The following TUSC3 variants were observed in gnomAD, a reference collection of about 807,000 sequenced individuals.
TUSC3 encodes the protein tumor suppressor candidate 3.
Under a neutral mutation model 44.8 loss-of-function variants are expected in TUSC3, and 45 were observed. That is an observed-to-expected ratio of 1.00 (90% confidence interval 0.79 to 1.29). The LOEUF is 1.29. TUSC3 is among the 50% of genes most tolerant of loss of function. The pLI, the probability that TUSC3 is intolerant of heterozygous loss-of-function variation, is 0.00. For synonymous variants in TUSC3, 212 were observed against 152.9 expected (o/e 1.39, Z -2.85); for missense variants, 519 against 437.9 (o/e 1.19, Z -1.65).
chr8:15,572,104 A>G (rs1802900673), intron 1 of TUSC3, among the ~76,000 whole-genome samples: 1 of 152,126 alleles, frequency 6.6e-6, no homozygotes, highest in Non-Finnish European at 1.5e-5. Context: ...TGTCCTTTCA[A>G]ACCAGGCATC....
At chr8:15,514,550 T>A (rs777874892) in intron 2 of TUSC3, among the ~76,000 whole-genome samples, 4 of 152,224 alleles carry the variant, frequency 2.6e-5, no homozygotes, top group Non-Finnish European at 5.9e-5. Flanking sequence ...GAACTCCGCT[T>A]CTTCACAGCC....
chr8:15,515,411 T>A (rs1445884426), intron 2 of TUSC3, among the ~76,000 whole-genome samples: 2 of 152,146 alleles, frequency 1.3e-5, no homozygotes, highest in Non-Finnish European at 2.9e-5. Flanking sequence ...TCCCTGATAA[T>A]CTAGCTGTGC....
chr8:15,512,545 G>C (rs952809084), intron 2 of TUSC3, among the ~76,000 whole-genome samples: 8 of 152,076 alleles, frequency 5.3e-5, no homozygotes, highest in African/African-American at 1.7e-4. Flanking sequence ...AGCTGAGGTG[G>C]GCAGATCACT....
intron 2 of TUSC3, among the ~76,000 whole-genome samples, chr8:15,497,793 G>A (rs1045311338): frequency 3.3e-5 from 5 of 150,968 alleles, no homozygotes; most frequent in Non-Finnish European, 7.4e-5. Context: ...CTCCCAGGCT[G>A]GAGTGCAATG....
At chr8:15,637,953 C>T (rs751660062) in intron 2 of TUSC3, among the ~76,000 whole-genome samples, 1 of 152,146 alleles carries the variant, frequency 6.6e-6, no homozygotes, top group Admixed American at 6.5e-5. Context: ...TATCACCAAC[C>T]CACTAATGCA....
chr8:15,676,216 T>A (rs1808183507), intron 6 of TUSC3, among the ~76,000 whole-genome samples: 1 of 152,178 alleles, frequency 6.6e-6, no homozygotes. Flanking sequence ...TTATTAGAAA[T>A]TAAATGTATG....
At chr8:15,796,247 C>CA in the TUSC3 span, among the ~76,000 whole-genome samples, 16 of 152,320 alleles carry the variant, frequency 1.1e-4, no homozygotes, top group East Asian at 2.9e-3. Flanking sequence ...TGCTTACTTC[C>CA]AGCTGGTCTT....
intron 2 of TUSC3, among the ~76,000 whole-genome samples, chr8:15,530,226 C>A (rs562199277): frequency 5.3e-5 from 8 of 152,138 alleles, no homozygotes; most frequent in African/African-American, 1.9e-4. Context: ...CACTGATCTG[C>A]TTGCTTCTCT....
At chr8:15,569,393 C>T (rs1025163660) in intron 1 of TUSC3, among the ~76,000 whole-genome samples, 11 of 152,046 alleles carry the variant, frequency 7.2e-5, no homozygotes, top group South Asian at 2.1e-4. Flanking sequence ...AGAGTTTCCT[C>T]GTGAATTTGA....
chr8:15,617,920 C>G (rs1805065128), intron 1 of TUSC3, among the ~76,000 whole-genome samples: 1 of 152,132 alleles, frequency 6.6e-6, no homozygotes, highest in African/African-American at 2.4e-5. Flanking sequence ...CTACTACACA[C>G]CCAGGCTGTG....
intron 1 of TUSC3, among the ~76,000 whole-genome samples, chr8:15,425,613 C>T (rs186474505): frequency 1.7e-4 from 26 of 152,246 alleles, no homozygotes; most frequent in Non-Finnish European, 3.8e-4. Context: ...AAAGTGTGGC[C>T]GAGTCTGAGC....
At chr8:15,509,009 A>G (rs1298164641) in intron 2 of TUSC3, among the ~76,000 whole-genome samples, 2 of 152,192 alleles carry the variant, frequency 1.3e-5, no homozygotes, top group Non-Finnish European at 2.9e-5. Flanking sequence ...AATTCAAGAT[A>G]AGATCTTCAG....
the TUSC3 span, among the ~76,000 whole-genome samples, chr8:15,846,785 G>A: frequency 1.3e-5 from 2 of 151,574 alleles, no homozygotes; most frequent in African/African-American, 4.9e-5. Flanking sequence ...GGGTTGATGG[G>A]TGCAGCAAAC....
chr8:15,434,921 A>G (rs900139665), intron 1 of TUSC3, among the ~76,000 whole-genome samples: 11 of 151,288 alleles, frequency 7.3e-5, no homozygotes, highest in Non-Finnish European at 1.0e-4. Flanking sequence ...ACATTTTCTT[A>G]ATCCAGTCTA....
chr8:15,470,837 G>T (rs1055980350), intron 1 of TUSC3, among the ~76,000 whole-genome samples: 1 of 152,142 alleles, frequency 6.6e-6, no homozygotes, highest in African/African-American at 2.4e-5. Flanking sequence ...CCCAGTGAGT[G>T]TGGGTGTGAG....
chr8:15,688,263 C>T (rs1226101706), intron 6 of TUSC3, among the ~76,000 whole-genome samples: 1 of 152,082 alleles, frequency 6.6e-6, no homozygotes, highest in Non-Finnish European at 1.5e-5. Context: ...TATAACTCTA[C>T]AATTTCAGAA....
At chr8:15,466,638 G>T (rs868078568) in intron 1 of TUSC3, among the ~76,000 whole-genome samples, 1 of 152,154 alleles carries the variant, frequency 6.6e-6, no homozygotes. Flanking sequence ...CCAACTTAGA[G>T]AATGTCTCAA....
In TUSC3 at chr8:15,549,419, G is replaced by A. The variant is rs554511156; in HGVS notation, c.138+8851G>A. Among the ~76,000 whole-genome samples, 8 of 151,662 alleles carry A rather than the reference G, an allele frequency of 5.3e-5. No homozygotes were observed. In the South Asian group the frequency reaches 1.0e-3, roughly 20 times the overall value. On this transcript the variant is annotated intron_variant, in intron 1 of 10. Coordinates refer to ENST00000503731, the MANE Select transcript of TUSC3 (RefSeq NM_006765.4). ...AAACTCCTGACCTCGTGATCTGCCC[G>A]CCTCGGCCTCCCAAAGTGCTGGGAT...
In TUSC3 at chr8:15,601,145, C is replaced by T. The variant is rs559478052; in HGVS notation, c.139-21935C>T. Among the ~76,000 whole-genome samples, 27 of 151,708 alleles carry T rather than the reference C, an allele frequency of 1.8e-4. No homozygotes were observed. In the East Asian group the frequency reaches 5.0e-3, roughly 28 times the overall value. The stretch of plus-strand genomic sequence containing the variant: ...AGCAAGCTTAAGGTTAGTCTGTTAC[C>T]TAAATGATTCTAGTAGGAGGAGTTT... On this transcript the variant is annotated intron_variant, in intron 1 of 10. Coordinates refer to ENST00000503731, the MANE Select transcript of TUSC3 (RefSeq NM_006765.4).
Sources: gnomAD v4.1 joint callset for allele counts (sites outside exome capture counted in the v4.1 genomes callset) on GRCh38, gnomAD v4.1.1 for gene constraint, MANE v1.5 for transcripts, NCBI Gene and HGNC (gene_info 2026-07-23, HGNC 2026-07-21) for gene names.